Variants in RANBP2 observed in about 807,000 individuals in gnomAD.
RANBP2 encodes the protein E3 SUMO-protein ligase RanBP2.
A neutral mutation model predicts 303.6 loss-of-function variants in RANBP2; 57 were observed. The observed-to-expected ratio is 0.19, with a 90% CI of 0.15 to 0.23. The LOEUF is 0.23. Among genes scored for constraint, RANBP2 ranks in the 10% least tolerant of loss-of-function variants. RANBP2 has a pLI of 1.00. For missense variants in RANBP2, 3,138 were observed against 3,780.8 expected, an observed-to-expected ratio of 0.83 and a Z score of 4.46; for synonymous variants, 1,167 against 1,301.5, an observed-to-expected ratio of 0.90 and a Z score of 2.23.
the RANBP2 span, among the ~76,000 whole-genome samples, chr2:109,510,402 G>A: frequency 1.4e-4 from 22 of 152,180 alleles, 1 homozygote; most frequent in Admixed American, 1.2e-3. Context: ...CCAAGGGGGC[G>A]GTGAGGGCAT....
the RANBP2 span, chr2:108,856,890 T>C: frequency 1.1e-5 from 17 of 1,613,286 alleles, no homozygotes; most frequent in South Asian, 1.9e-4. Flanking sequence ...GTTCCAGTAA[T>C]ATTAAGTCAT....
the RANBP2 span, among the ~76,000 whole-genome samples, chr2:108,924,967 G>T: frequency 6.6e-6 from 1 of 152,194 alleles, no homozygotes; most frequent in Non-Finnish European, 1.5e-5. Flanking sequence ...AACATCTCAG[G>T]CTCCTAGGTG....
At chr2:109,159,377 A>G in the RANBP2 span, among the ~76,000 whole-genome samples, 55 of 152,366 alleles carry the variant, frequency 3.6e-4, no homozygotes, top group East Asian at 1.9e-4. Context: ...GTATGCGTGC[A>G]GAAGGGACTT....
the RANBP2 span, among the ~76,000 whole-genome samples, chr2:109,200,153 T>C: frequency 7.2e-5 from 11 of 152,170 alleles, no homozygotes; most frequent in Admixed American, 4.6e-4. Context: ...AAGGTGACTT[T>C]GTTGGTATGG....
the RANBP2 span, among the ~76,000 whole-genome samples, chr2:109,011,995 G>A: frequency 2.0e-5 from 3 of 152,262 alleles, no homozygotes; most frequent in East Asian, 5.8e-4. Flanking sequence ...ATGCCAGTGT[G>A]ATTGCAAGTC....
the RANBP2 span, among the ~76,000 whole-genome samples, chr2:109,312,968 A>G: frequency 6.6e-6 from 1 of 152,142 alleles, no homozygotes; most frequent in Non-Finnish European, 1.5e-5. Flanking sequence ...CAGCCCTTGG[A>G]TTTCACTTTT....
the RANBP2 span, among the ~76,000 whole-genome samples, chr2:109,349,950 G>A: frequency 5.3e-5 from 8 of 152,356 alleles, no homozygotes; most frequent in South Asian, 1.5e-3. Context: ...TCTGTGTCGG[G>A]TACTAGACCT....
chr2:108,997,268 C>T, the RANBP2 span, among the ~76,000 whole-genome samples: 42 of 151,706 alleles, frequency 2.8e-4, no homozygotes, highest in South Asian at 1.0e-3. Context: ...GGTGAAACCC[C>T]GTCTCTACTA....
At chr2:109,432,407 GTT>G in the RANBP2 span, 1 of 1,508,412 alleles carries the variant, frequency 6.6e-7, no homozygotes. Context: ...TTTAGGTTGG[GTT>G]CCTCCAAAGA....
chr2:109,692,417 G>C, the RANBP2 span, among the ~76,000 whole-genome samples: 1 of 152,174 alleles, frequency 6.6e-6, no homozygotes, highest in Non-Finnish European at 1.5e-5. Context: ...CTAAACCACT[G>C]AGTTGTTTAC....
the RANBP2 span, among the ~76,000 whole-genome samples, chr2:109,609,615 CAAA>C: frequency 1.2e-4 from 12 of 97,922 alleles, no homozygotes; most frequent in South Asian, 3.4e-4. Context: ...GACTCCGCCT[CAAA>C]AAAAAAAAAA....
chr2:108,755,774 A>C (rs1485685235), intron 17 of RANBP2, among the ~76,000 whole-genome samples: 1 of 151,682 alleles, frequency 6.6e-6, no homozygotes, highest in African/African-American at 2.4e-5. Flanking sequence ...CCCAGTCTGG[A>C]GTGCAGTGGT....
Position 108,772,475 on chromosome 2 carries a change from A to G in RANBP2, c.8021-14A>G. The G allele has an allele frequency of 6.2e-7, 1 of 1,604,296 alleles. No individual in the cohort carries two copies. Among genetic ancestry groups the G allele is most frequent in the Non-Finnish European group, 8.5e-7 (1 of 1,171,582 alleles). ...AAATTAACTAGAAATTCTTTTAATC[A>G]ATTGTATTTTAAGATGAAGATTTCG... On this transcript the variant is annotated splice_polypyrimidine_tract_variant and intron_variant, in intron 21 of 28. Transcript: ENST00000283195.
the RANBP2 span, among the ~76,000 whole-genome samples, chr2:108,960,252 C>T: frequency 2.3e-3 from 354 of 152,288 alleles, 2 homozygotes; most frequent in African/African-American, 8.1e-3. Flanking sequence ...AACTGAGGAT[C>T]CCCCAAGGTT....
Position 108,762,169 on chromosome 2 carries a change from C to G in RANBP2, c.2671C>G (p.Pro891Ala), listed in dbSNP as rs1676779091. The change falls in exon 19 of 29, where the codon CCA (proline) becomes GCA (alanine). Residue 891 changes from proline (P) to alanine (A), a missense_variant. Around this residue, in one of 20 missense-constraint regions of RANBP2, gnomAD observed 26 missense variants for 58.0 expected, o/e 0.45. Transcript: ENST00000283195. Reference protein sequence around the residue: ...PAYNSQYLLRPAANVTPTKGP... With the variant: ...PAYNSQYLLRAAANVTPTKGP... ...ATATAATTCCCAGTATCTTCTCAGA[C>G]CAGCAGCTAATGTTACTCCCACAAA... 1 of 1,592,716 alleles carries G rather than the reference C, an allele frequency of 6.3e-7. No homozygotes were observed. Among genetic ancestry groups the G allele is most frequent in the African/African-American group, 1.4e-5 (1 of 73,938 alleles).
the RANBP2 span, among the ~76,000 whole-genome samples, chr2:109,078,077 AATATATATATATATATATATATAT>A: frequency 2.1e-5 from 1 of 47,484 alleles, no homozygotes; most frequent in African/African-American, 1.3e-4. Flanking sequence ...TTGACAGATG[AATATATATATATATATATATATAT>A]ATATATATAT....
the RANBP2 span, among the ~76,000 whole-genome samples, chr2:108,810,935 C>G: frequency 6.6e-6 from 1 of 152,180 alleles, no homozygotes; most frequent in East Asian, 1.9e-4. Context: ...AGGAGTTTAT[C>G]CATTTCCTCT....
At chr2:109,331,168 C>G in the RANBP2 span, among the ~76,000 whole-genome samples, 1 of 152,178 alleles carries the variant, frequency 6.6e-6, no homozygotes, top group Non-Finnish European at 1.5e-5. Context: ...ACTTTTGGAT[C>G]TGTTCCCTGG....
At chr2:108,750,473 A>G (rs937266077) in intron 9 of RANBP2, among the ~76,000 whole-genome samples, 3 of 152,268 alleles carry the variant, frequency 2.0e-5, no homozygotes, top group Non-Finnish European at 4.4e-5. Context: ...AATTAGAGAC[A>G]AAGGCCATGA....
Sources: allele counts gnomAD v4.1 joint callset (sites outside exome capture counted in the v4.1 genomes callset), GRCh38; gene constraint gnomAD v4.1.1; regional missense constraint gnomAD v4.1.1; transcripts MANE v1.5; gene names NCBI Gene and HGNC (gene_info 2026-07-23, HGNC 2026-07-21).